Variants in SUGCT observed in about 807,000 individuals in gnomAD.
SUGCT encodes the protein succinyl-CoA:glutarate CoA-transferase.
In SUGCT, 41 loss-of-function variants were observed where a neutral mutation model predicts 55.0. The observed-to-expected ratio is 0.74, with a 90% CI of 0.58 to 0.97. The LOEUF (loss-of-function observed/expected upper bound fraction) is 0.97. Among genes scored for constraint, SUGCT ranks in the 50% least tolerant of loss-of-function variants. The pLI is 0.00. For missense variants in SUGCT, 568 were observed against 547.8 expected (o/e 1.04, Z -0.37); for synonymous variants, 187 against 200.4 (o/e 0.93, Z 0.56).
chr7:40,517,850 G>T (rs941682045), intron 12 of SUGCT, among the ~76,000 whole-genome samples: 2 of 151,914 alleles, frequency 1.3e-5, no homozygotes, highest in Non-Finnish European at 2.9e-5. Context: ...TACCCATCCC[G>T]GTAGATCTTA....
the SUGCT span, among the ~76,000 whole-genome samples, chr7:41,024,415 C>A: frequency 6.6e-6 from 1 of 152,124 alleles, no homozygotes; most frequent in African/African-American, 2.4e-5. Flanking sequence ...AAGCAAGCCA[C>A]AGACTAGGAG....
At chr7:40,817,055 A>G (rs770510355) in intron 13 of SUGCT, among the ~76,000 whole-genome samples, 5 of 152,246 alleles carry the variant, frequency 3.3e-5, no homozygotes, top group Non-Finnish European at 7.3e-5. Flanking sequence ...TCTATTGTCC[A>G]ATATCACATT....
At chr7:40,473,622 A>T (rs1790511479) in intron 11 of SUGCT, among the ~76,000 whole-genome samples, 1 of 152,054 alleles carries the variant, frequency 6.6e-6, no homozygotes, top group African/African-American at 2.4e-5. Context: ...TGATCCACAA[A>T]TGCACTAGGA....
intron 9 of SUGCT, among the ~76,000 whole-genome samples, chr7:40,392,306 G>T (rs1028312484): frequency 2.0e-5 from 3 of 152,020 alleles, no homozygotes; most frequent in African/African-American, 7.2e-5. Flanking sequence ...AATACATAAA[G>T]AATAGTCATA....
At chr7:40,876,220 T>C in the SUGCT span, among the ~76,000 whole-genome samples, 27,271 of 152,188 alleles carry the variant, frequency 0.18, 3,302 homozygotes, top group East Asian at 0.71. Context: ...TGACATTATC[T>C]CACTACTCAT....
chr7:40,414,051 T>A (rs951748907), intron 9 of SUGCT, among the ~76,000 whole-genome samples: 2 of 152,172 alleles, frequency 1.3e-5, no homozygotes, highest in Non-Finnish European at 2.9e-5. Flanking sequence ...GCTATTACTA[T>A]AAATACTGCA....
rs1224602021 is a variant in SUGCT at position 40,598,777 on chromosome 7, T to G, written c.1089+102391T>G. Among the ~76,000 whole-genome samples the G allele has an allele frequency of 2.0e-5, 3 of 152,208 alleles. No individual in the cohort carries two copies. In the East Asian group the frequency reaches 5.8e-4, roughly 29 times the overall value. ...GTAACTTTGACCAATGAATGACAGC[T>G]ACCATCCCAGACACAGGATCTGTGT... On this transcript the variant is annotated intron_variant, in intron 12 of 13. Coordinates refer to ENST00000335693, the MANE Select transcript of SUGCT (RefSeq NM_001193313.2).
intron 12 of SUGCT, among the ~76,000 whole-genome samples, chr7:40,534,591 G>T (rs919841577): frequency 1.3e-5 from 2 of 152,070 alleles, no homozygotes; most frequent in Admixed American, 1.3e-4. Context: ...GCTGATTTTT[G>T]TATTTTTAGT....
At chr7:40,676,517 T>G (rs983969922) in intron 12 of SUGCT, among the ~76,000 whole-genome samples, 2 of 151,034 alleles carry the variant, frequency 1.3e-5, no homozygotes, top group Non-Finnish European at 3.0e-5. Context: ...TTTTTTTTTT[T>G]TTTGAGATGG....
At chr7:40,263,636 A>G (rs1791370159) in intron 7 of SUGCT, among the ~76,000 whole-genome samples, 1 of 152,230 alleles carries the variant, frequency 6.6e-6, no homozygotes, top group African/African-American at 2.4e-5. Flanking sequence ...ATATGATATT[A>G]TGATTTATAA....
intron 9 of SUGCT, among the ~76,000 whole-genome samples, chr7:40,415,638 T>A (rs1786959669): frequency 6.6e-6 from 1 of 152,090 alleles, no homozygotes; most frequent in Non-Finnish European, 1.5e-5. Context: ...CTATTTTTAC[T>A]TATTTTCACA....
the SUGCT span, among the ~76,000 whole-genome samples, chr7:41,006,227 G>T: frequency 0.87 from 132,252 of 152,230 alleles, 57,792 homozygotes; most frequent in African/African-American, 0.97. Flanking sequence ...AGAAAGTATT[G>T]CTTTTATTGC....
chr7:40,426,338 G>A (rs1375154811), intron 9 of SUGCT, among the ~76,000 whole-genome samples: 2 of 152,156 alleles, frequency 1.3e-5, no homozygotes, highest in Non-Finnish European at 2.9e-5. Flanking sequence ...GTGTCAGCTG[G>A]ATATATCTCA....
chr7:40,197,177 G>A (rs1205258824), intron 6 of SUGCT, among the ~76,000 whole-genome samples: 2 of 152,120 alleles, frequency 1.3e-5, no homozygotes, highest in East Asian at 3.9e-4. Context: ...TCTGTACTTG[G>A]TAGATGATTC....
intron 11 of SUGCT, among the ~76,000 whole-genome samples, chr7:40,494,483 A>T (rs1791865393): frequency 6.6e-6 from 1 of 152,204 alleles, no homozygotes; most frequent in African/African-American, 2.4e-5. Flanking sequence ...TGTTATTCTT[A>T]TGAAAGATTT....
At chr7:40,582,388 A>G (rs1212284151) in intron 12 of SUGCT, among the ~76,000 whole-genome samples, 5 of 152,170 alleles carry the variant, frequency 3.3e-5, no homozygotes, top group African/African-American at 4.8e-5. Flanking sequence ...TTCCATTATT[A>G]TTTCACAGGC....
Position 40,272,057 on chromosome 7 carries a change from CTCTCTG to C in SUGCT, c.577-2451_577-2446del, listed in dbSNP as rs1215833332. Among the ~76,000 whole-genome samples, 7 of 122,306 alleles carry C rather than the reference CTCTCTG, an allele frequency of 5.7e-5. No individual in the cohort carries two copies. The South Asian group carries it at 1.9e-3, about 33-fold the overall frequency. 80.2% of individuals were successfully genotyped at this position (122,306 alleles called of 152,430 possible). ...TTTTATGGCTGAATAATATTCCTCT[CTCTCTG>C]TCTCGCTCTCTCTCTCTCTCTCTCT... On this transcript the variant is annotated intron_variant, in intron 7 of 13. Coordinates refer to ENST00000335693, the MANE Select transcript of SUGCT (RefSeq NM_001193313.2).
At chr7:40,157,015 A>G (rs1307978565) in intron 1 of SUGCT, among the ~76,000 whole-genome samples, 1 of 151,296 alleles carries the variant, frequency 6.6e-6, no homozygotes, top group Non-Finnish European at 1.5e-5. Flanking sequence ...ACTGTCTCAA[A>G]AAAAAAAAAA....
chr7:40,210,999 G>A (rs561055967), intron 6 of SUGCT, among the ~76,000 whole-genome samples: 34 of 152,180 alleles, frequency 2.2e-4, no homozygotes, highest in East Asian at 1.5e-3. Context: ...TTTAGAACTC[G>A]TATCTAACAG....
Sources: allele counts gnomAD v4.1 joint callset (sites outside exome capture counted in the v4.1 genomes callset), GRCh38; gene constraint gnomAD v4.1.1; transcripts MANE v1.5; gene names NCBI Gene and HGNC (gene_info 2026-07-23, HGNC 2026-07-21).